The following TNS3 variants were observed in gnomAD, a reference collection of about 807,000 sequenced individuals.
TNS3 encodes the protein tensin 3.
TNS3 carries 45 observed loss-of-function variants against 140.9 expected under a neutral mutation model. The observed-to-expected ratio is 0.32, with a 90% CI of 0.25 to 0.41. TNS3 has a LOEUF of 0.41. Ranked by LOEUF, TNS3 falls within the 10% of genes least tolerant of loss-of-function variation. TNS3 has a pLI of 1.00. For missense variants in TNS3, 1,716 were observed against 1,906.7 expected (o/e 0.90, Z 1.86); for synonymous variants, 815 against 788.4 (o/e 1.03, Z -0.56).
At chr7:47,282,452 C>T (rs1785196344) in intron 28 of TNS3, among the ~76,000 whole-genome samples, 1 of 150,308 alleles carries the variant, frequency 6.7e-6, no homozygotes, top group East Asian at 2.0e-4. Flanking sequence ...TGTCCCTGAC[C>T]CTGAGTCCAC....
chr7:47,325,274 A>C (rs1787965920), intron 20 of TNS3, among the ~76,000 whole-genome samples: 1 of 151,772 alleles, frequency 6.6e-6, no homozygotes, highest in South Asian at 2.1e-4. Flanking sequence ...CCCACTGGTG[A>C]CCCTCGTCCT....
At chr7:47,279,819 C>T (rs1169537554) in intron 30 of TNS3, 1 of 351,760 alleles carries the variant, frequency 2.8e-6, no homozygotes. Flanking sequence ...CACACACCTG[C>T]ACAAAGGGAG....
At chr7:47,427,079 T>C (rs541380900) in intron 9 of TNS3, among the ~76,000 whole-genome samples, 26 of 145,830 alleles carry the variant, frequency 1.8e-4, no homozygotes, top group South Asian at 2.2e-4. Context: ...TAAGCCAAGA[T>C]TGCACCACTG....
intron 2 of TNS3, among the ~76,000 whole-genome samples, chr7:47,520,027 A>G (rs554756687): frequency 6.6e-5 from 10 of 151,514 alleles, no homozygotes; most frequent in Admixed American, 3.3e-4. Flanking sequence ...GGGTTTCACC[A>G]TGTTATCCAG....
Position 47,563,096 on chromosome 7 carries a change from G to A in TNS3, c.-265+18955C>T, listed in dbSNP as rs544471250. Among the ~76,000 whole-genome samples, 4 of 152,268 alleles carry A rather than the reference G, an allele frequency of 2.6e-5. No individual in the cohort carries two copies. The East Asian group carries it at 7.8e-4, about 30-fold the overall frequency. Reference sequence around the variant, plus strand: ...TAGGCAAAACTCCCTGGGCATCCCCGGGCCAGGCCCTCTGCCTGGGCACAC... The same window carrying A: ...TAGGCAAAACTCCCTGGGCATCCCCAGGCCAGGCCCTCTGCCTGGGCACAC... On this transcript the variant is annotated intron_variant, in intron 1 of 30. Coordinates refer to ENST00000311160, the MANE Select transcript of TNS3 (RefSeq NM_022748.12).
At position 47,277,771 on chromosome 7, in the gene TNS3, G is replaced by A. The variant is rs528193171; in HGVS notation, c.*305C>T. 2.5e-4 allele frequency: 110 copies of A among 438,576 alleles called. No individual in the cohort carries two copies. The highest frequency in any genetic ancestry group is 1.8e-3 in the African/African-American group (91 of 49,856). 27.2% of individuals were successfully genotyped at this position (438,576 alleles called of 1,614,324 possible). The stretch of plus-strand genomic sequence containing the variant: ...ACATGGGGACCACCTCGTGTTCTGT[G>A]CTGTTTCCTTGCATGTCCCTTTCCC... On this transcript the variant is annotated 3_prime_UTR_variant, in exon 31 of 31. Coordinates refer to ENST00000311160, the MANE Select transcript of TNS3 (RefSeq NM_022748.12).
chr7:47,406,771 T>C (rs1003958715), intron 13 of TNS3, among the ~76,000 whole-genome samples: 2 of 152,198 alleles, frequency 1.3e-5, no homozygotes, highest in African/African-American at 2.4e-5. Context: ...ATCTGAACTT[T>C]ACACAGAAAA....
At chr7:47,327,393 G>A (rs1788083575) in intron 20 of TNS3, among the ~76,000 whole-genome samples, 3 of 152,202 alleles carry the variant, frequency 2.0e-5, no homozygotes, top group South Asian at 2.1e-4. Flanking sequence ...GCTTGCTTTC[G>A]GCATTTAGTA....
chr7:47,407,268 CCTT>C lies in TNS3; in HGVS notation c.723+4456_723+4458del, dbSNP rs893079811. On this transcript the variant is annotated intron_variant, in intron 13 of 30. Transcript: ENST00000311160. The surrounding 1 kb of genome is among the most constrained non-coding windows in gnomAD (Gnocchi z 4.1). The stretch of plus-strand genomic sequence containing the variant: ...ATGTGAGCTCTGCTGTGAAGCCACT[CCTT>C]CTCTGACACGCTGGAAATCATCTCT... Among the ~76,000 whole-genome samples, 7 of 152,172 alleles carry C rather than the reference CCTT, an allele frequency of 4.6e-5. No homozygotes were observed. Among genetic ancestry groups the C allele is most frequent in the Non-Finnish European group, 7.3e-5 (5 of 68,034 alleles).
At chr7:47,546,889 T>C (rs998010867) in intron 1 of TNS3, among the ~76,000 whole-genome samples, 3 of 152,224 alleles carry the variant, frequency 2.0e-5, no homozygotes, top group African/African-American at 7.2e-5. Context: ...CAACAGGCGC[T>C]GCGGATGGAA....
rs2151238742 is a variant in TNS3, at chr7:47,383,328, G to C, written c.1024+13472C>G. Among the ~76,000 whole-genome samples, 2 of 152,278 alleles carry C rather than the reference G, an allele frequency of 1.3e-5. 1 individual carries two copies. Among genetic ancestry groups the C allele is most frequent in the South Asian group, 4.2e-4 (2 of 4,808 alleles). ...CTCATTGCACGACTCCAGTGAGTGAGATGTCCGGAATGGGAAACAGAGAGA... is the reference window on the plus strand; with the variant it reads ...CTCATTGCACGACTCCAGTGAGTGACATGTCCGGAATGGGAAACAGAGAGA... On this transcript the variant is annotated intron_variant, in intron 16 of 30. Transcript: ENST00000311160.
chr7:47,432,780 C>T (rs1247519502), intron 8 of TNS3, among the ~76,000 whole-genome samples: 1 of 152,148 alleles, frequency 6.6e-6, no homozygotes, highest in Non-Finnish European at 1.5e-5. Context: ...TGAAGTAGGA[C>T]ATCTTCATAT....
chr7:47,498,844 T>C (rs1798110360), intron 3 of TNS3, among the ~76,000 whole-genome samples: 2 of 152,294 alleles, frequency 1.3e-5, no homozygotes, highest in Admixed American at 6.5e-5. Flanking sequence ...TCCCAGCCTG[T>C]GGAATGCCAG....
chr7:47,432,315 G>C (rs1469632309), intron 8 of TNS3, among the ~76,000 whole-genome samples: 3 of 152,150 alleles, frequency 2.0e-5, no homozygotes, highest in African/African-American at 4.8e-5. Context: ...AAGAGGAAGA[G>C]AGACCTGAGC....
intron 20 of TNS3, among the ~76,000 whole-genome samples, chr7:47,324,396 G>A (rs1405651069): frequency 2.0e-5 from 3 of 152,204 alleles, no homozygotes; most frequent in African/African-American, 7.2e-5. Flanking sequence ...CAACATGTTT[G>A]TGACATTGTC....
intron 1 of TNS3, among the ~76,000 whole-genome samples, chr7:47,563,760 C>T (rs1185539587): frequency 6.6e-6 from 1 of 152,202 alleles, no homozygotes; most frequent in African/African-American, 2.4e-5. Flanking sequence ...CTTCCCACTG[C>T]CCCAGACCAC....
chr7:47,469,289 G>C (rs895250060), intron 4 of TNS3, among the ~76,000 whole-genome samples: 1 of 152,186 alleles, frequency 6.6e-6, no homozygotes, highest in Non-Finnish European at 1.5e-5. Context: ...ACTATCAACA[G>C]AGTAAACAGA....
chr7:47,292,058 G>A (rs1785737431), intron 26 of TNS3, 26 bp from the exon 27 acceptor site: 1 of 1,610,188 alleles, frequency 6.2e-7, no homozygotes, highest in African/African-American at 1.3e-5. Flanking sequence ...AGAAAATACA[G>A]AAATGAGTCC....
chr7:47,424,930 A>C lies in TNS3; in HGVS notation c.390-746T>G, dbSNP rs926592014. Among the ~76,000 whole-genome samples, 183 of 152,376 alleles carry C rather than the reference A, an allele frequency of 1.2e-3. 2 individuals are homozygous for C. The highest frequency in any genetic ancestry group is 3.8e-3 in the African/African-American group (160 of 41,604). On this transcript the variant is annotated intron_variant, in intron 9 of 30. Coordinates refer to ENST00000311160, the MANE Select transcript of TNS3 (RefSeq NM_022748.12). Reference sequence around the variant, plus strand: ...ACTTCCAGAAATCTCACAGCAGGGCATTCATGGGATTTCTTGATATGACTT... The same window carrying C: ...ACTTCCAGAAATCTCACAGCAGGGCCTTCATGGGATTTCTTGATATGACTT...
Sources: allele counts gnomAD v4.1 joint callset (sites outside exome capture counted in the v4.1 genomes callset), GRCh38; gene constraint gnomAD v4.1.1; non-coding constraint Gnocchi (gnomAD v3.1); transcripts MANE v1.5; gene names NCBI Gene and HGNC (gene_info 2026-07-23, HGNC 2026-07-21).